BNC2: variants seen among roughly 807,000 people sequenced by gnomAD.
The protein encoded by BNC2 is zinc finger protein basonuclin-2.
A neutral mutation model predicts 76.3 loss-of-function variants in BNC2; 20 were observed. That is an observed-to-expected ratio of 0.26 (90% CI 0.18 to 0.38). BNC2 has a LOEUF of 0.38. Ranked by LOEUF, BNC2 falls within the 10% of genes least tolerant of loss-of-function variation. The pLI, the probability that BNC2 is intolerant of heterozygous loss-of-function variation, is 1.00. For missense variants in BNC2, 1,382 were observed against 1,399.8 expected (o/e 0.99, Z 0.20); for synonymous variants, 582 against 514.8 (o/e 1.13, Z -1.77).
chr9:16,845,325 G>A (rs1442507993), intron 1 of BNC2, among the ~76,000 whole-genome samples: 1 of 152,092 alleles, frequency 6.6e-6, no homozygotes, highest in Non-Finnish European at 1.5e-5. Flanking sequence ...CTTTTTTACA[G>A]TTACAGTCCT....
intron 5 of BNC2, among the ~76,000 whole-genome samples, chr9:16,513,930 C>T (rs537392411): frequency 6.6e-6 from 1 of 152,128 alleles, no homozygotes; most frequent in Non-Finnish European, 1.5e-5. Flanking sequence ...CGTGTTTATG[C>T]CCTATGAGAT....
chr9:16,689,634 C>T (rs1215353904), intron 3 of BNC2, among the ~76,000 whole-genome samples: 1 of 149,200 alleles, frequency 6.7e-6, no homozygotes, highest in Non-Finnish European at 1.5e-5. Context: ...GAATGATATA[C>T]AATGTAAGTT....
chr9:16,614,983 AAAAAAAAAAAAAAAAAAAAAAG>A, intron 3 of BNC2, among the ~76,000 whole-genome samples: 1 of 9,880 alleles, frequency 1.0e-4, no homozygotes, highest in African/African-American at 1.8e-4. Context: ...AAAAAAAAAA[AAAAAAAAAAAAAAAAAAAAAAG>A]CCAAGCAGGC....
chr9:16,619,689 A>C (rs1372963971), intron 3 of BNC2, among the ~76,000 whole-genome samples: 1 of 152,144 alleles, frequency 6.6e-6, no homozygotes, highest in Admixed American at 6.6e-5. Flanking sequence ...ATGATCTAAT[A>C]CTTTTGACTT....
In BNC2 at chr9:16,415,024, G is replaced by C. The variant is rs568004944; in HGVS notation, c.*3965C>G. ...AAGGGCCTGAAAATTCATGACCAAAGAAATAACACTATGAGGACAGTGGCA... is the reference window on the plus strand; with the variant it reads ...AAGGGCCTGAAAATTCATGACCAAACAAATAACACTATGAGGACAGTGGCA... On this transcript the variant is annotated 3_prime_UTR_variant, in exon 7 of 7. Transcript: ENST00000380672. 2 of 148,280 alleles carry C rather than the reference G, an allele frequency of 1.3e-5. No homozygotes were observed. Among genetic ancestry groups the C allele is most frequent in the Admixed American group, 1.4e-4 (2 of 14,528 alleles). The allele number at this position is 148,280 out of a possible 1,614,324, so 9.2% of individuals were successfully genotyped here. A position where few individuals can be genotyped will look rare whatever the true frequency, so the allele number is the denominator to read the frequency against.
At chr9:16,613,684 T>C (rs918913449) in intron 3 of BNC2, among the ~76,000 whole-genome samples, 3 of 152,168 alleles carry the variant, frequency 2.0e-5, no homozygotes, top group Admixed American at 2.0e-4. Context: ...TTACCATAAT[T>C]TGGGCGCCCC....
At chr9:16,792,396 A>G (rs910755171) in intron 1 of BNC2, among the ~76,000 whole-genome samples, 1 of 152,186 alleles carries the variant, frequency 6.6e-6, no homozygotes, top group Non-Finnish European at 1.5e-5. Context: ...TTTCCTCAGA[A>G]AGAAGGATAC....
chr9:16,622,943 T>C (rs1031511034), intron 3 of BNC2, among the ~76,000 whole-genome samples: 7 of 152,180 alleles, frequency 4.6e-5, no homozygotes. Context: ...CTGGGTACCC[T>C]AATATTAATA....
intron 2 of BNC2, among the ~76,000 whole-genome samples, chr9:16,730,043 C>T (rs117522411): frequency 0.021 from 3,228 of 151,936 alleles, 60 homozygotes; most frequent in Non-Finnish European, 0.036. Flanking sequence ...TTTTCTAGCC[C>T]CCACCCCGTT....
chr9:16,656,069 C>A (rs894372389), intron 3 of BNC2, among the ~76,000 whole-genome samples: 2 of 152,206 alleles, frequency 1.3e-5, no homozygotes, highest in Non-Finnish European at 2.9e-5. Context: ...GTTGTCACAA[C>A]TGAGTGTGGA....
intron 5 of BNC2, among the ~76,000 whole-genome samples, chr9:16,475,620 A>C (rs1821911638): frequency 6.6e-6 from 1 of 152,246 alleles, no homozygotes; most frequent in South Asian, 2.1e-4. Context: ...AAAACATAGC[A>C]AACATTTGTA....
intron 5 of BNC2, among the ~76,000 whole-genome samples, chr9:16,509,487 C>A (rs866778059): frequency 6.6e-6 from 1 of 152,098 alleles, no homozygotes; most frequent in Non-Finnish European, 1.5e-5. Context: ...ACTGGGAATC[C>A]ATACCACGTC....
intron 1 of BNC2, among the ~76,000 whole-genome samples, chr9:16,848,758 C>G (rs979857929): frequency 2.0e-5 from 3 of 152,120 alleles, no homozygotes; most frequent in African/African-American, 7.2e-5. Flanking sequence ...GCTGAGCATC[C>G]TAAATCCAAA....
At chr9:16,850,620 A>T (rs143276531) in intron 1 of BNC2, among the ~76,000 whole-genome samples, 377 of 152,242 alleles carry the variant, frequency 2.5e-3, no homozygotes, top group African/African-American at 8.7e-3. Context: ...CTGTAATTCC[A>T]CCACTGTGGA....
chr9:16,476,991 C>T (rs1821942111), intron 5 of BNC2, among the ~76,000 whole-genome samples: 1 of 152,072 alleles, frequency 6.6e-6, no homozygotes, highest in Admixed American at 6.5e-5. Flanking sequence ...AAGAGGAACC[C>T]CGATATTCAA....
At chr9:16,774,141 C>T (rs1336701633) in intron 1 of BNC2, among the ~76,000 whole-genome samples, 2 of 152,056 alleles carry the variant, frequency 1.3e-5, no homozygotes, top group African/African-American at 2.4e-5. Context: ...GCCACCACAC[C>T]CAGCTAATTT....
chr9:16,740,816 A>G (rs1001513223), intron 1 of BNC2, among the ~76,000 whole-genome samples: 1 of 152,198 alleles, frequency 6.6e-6, no homozygotes, highest in African/African-American at 2.4e-5. Flanking sequence ...GAATATGATC[A>G]AGAGCACAAA....
At position 16,645,419 on chromosome 9, in the gene BNC2, T is replaced by C. The variant is rs1335255901; in HGVS notation, c.331-62334A>G. Among the ~76,000 whole-genome samples the C allele has an allele frequency of 3.3e-5, 5 of 152,222 alleles. No individual in the cohort carries two copies. In the East Asian group the frequency reaches 9.6e-4, roughly 29 times the overall value. ...GTTAGAGGCTCCAGTTCACGTCACA[T>C]TTTTATACTTTTCATAATATTCAAT... On this transcript the variant is annotated intron_variant, in intron 3 of 6. Coordinates refer to ENST00000380672, the MANE Select transcript of BNC2 (RefSeq NM_017637.6).
chr9:16,826,276 G>A (rs1423117668), intron 1 of BNC2, among the ~76,000 whole-genome samples: 2 of 138,998 alleles, frequency 1.4e-5, no homozygotes, highest in Non-Finnish European at 3.0e-5. Flanking sequence ...GTGATGGATA[G>A]GACCTGCCTT....
Sources: allele counts gnomAD v4.1 joint callset (sites outside exome capture counted in the v4.1 genomes callset), GRCh38; gene constraint gnomAD v4.1.1; transcripts MANE v1.5; gene names NCBI Gene and HGNC (gene_info 2026-07-23, HGNC 2026-07-21).